ARHGEF10: variants seen among roughly 807,000 people sequenced by gnomAD.
ARHGEF10 encodes the protein Rho guanine nucleotide exchange factor 10, also known as Rho guanine nucleotide exchange factor (GEF) 10.
Under a neutral mutation model 147.4 loss-of-function variants are expected in ARHGEF10, and 140 were observed. The observed-to-expected ratio is 0.95, with a 90% confidence interval of 0.83 to 1.09. The LOEUF (loss-of-function observed/expected upper bound fraction) is 1.09. Ranked by LOEUF, ARHGEF10 falls within the 50% of genes least tolerant of loss-of-function variation. ARHGEF10 has a pLI of 0.00. For missense variants in ARHGEF10, 2,222 were observed against 1,752.7 expected (o/e 1.27, Z -4.78); for synonymous variants, 902 against 695.8 (o/e 1.30, Z -4.67).
chr8:1,889,234 G>GA (rs1809158352), intron 11 of ARHGEF10, among the ~76,000 whole-genome samples: 1 of 116,214 alleles, frequency 8.6e-6, no homozygotes, highest in Admixed American at 8.3e-5. Context: ...AGGGTTGTGA[G>GA]GAGACATTGA....
At chr8:1,950,277 G>T in intron 27 of ARHGEF10, among the ~76,000 whole-genome samples, 1 of 152,290 alleles carries the variant, frequency 6.6e-6, no homozygotes, top group East Asian at 1.9e-4. Context: ...GCTTCCGGAC[G>T]GGCACGGGAC....
chr8:1,950,517 T>G (rs963191192), intron 27 of ARHGEF10, among the ~76,000 whole-genome samples: 10 of 151,762 alleles, frequency 6.6e-5, no homozygotes, highest in Non-Finnish European at 1.3e-4. Context: ...TTTACCCTTT[T>G]TATTATTTAT....
chr8:1,888,154 C>CGAGGGTTGCGAGGAGACAGTGAGTGGGGT (rs1404321827), intron 11 of ARHGEF10, among the ~76,000 whole-genome samples: 2 of 30,414 alleles, frequency 6.6e-5, no homozygotes, highest in Admixed American at 6.0e-4. Context: ...CTTAGTGGGG[C>CGAGGGTTGCGAGGAGACAGTGAGTGGGGT]GAGGGTTGCG....
intron 2 of ARHGEF10, among the ~76,000 whole-genome samples, chr8:1,851,550 ACT>A (rs1320177240): frequency 1.3e-5 from 2 of 151,906 alleles, no homozygotes; most frequent in Non-Finnish European, 2.9e-5. Flanking sequence ...GTATATGAGA[ACT>A]CTCTGTACCT....
intron 27 of ARHGEF10, among the ~76,000 whole-genome samples, chr8:1,951,572 T>C (rs1485652457): frequency 1.3e-5 from 2 of 152,252 alleles, no homozygotes; most frequent in African/African-American, 2.4e-5. Context: ...TGTGAGGTTG[T>C]TTTTCATGCT....
chr8:1,880,209 AGTAAAGAAAAACCGCGCG>A (rs1282629305), intron 9 of ARHGEF10, 45 bp downstream of exon 9: 1 of 1,438,548 alleles, frequency 7.0e-7, no homozygotes, highest in Non-Finnish European at 9.8e-7. Flanking sequence ...CCAGCCGGGC[AGTAAAGAAAAACCGCGCG>A]GCTCGGTCGG....
rs546137039 is a variant in ARHGEF10 at position 1,885,645 on chromosome 8, G to A, written c.1120G>A (p.Val374Ile). 5.6e-6 allele frequency: 9 copies of A among 1,613,944 alleles called. No individual in the cohort carries two copies. The East Asian group carries it at 6.7e-5, about 12-fold the overall frequency. ...GGAAGAACAGAATTTGTTCATTGAT[G>A]TTGACTGCAAGCACCCGGAAGCCAT... ...LEEEQNLFID[V>I]DCKHPEAILT... The change falls in exon 11 of 29, where the codon GTT becomes ATT. Residue 374 changes from valine to isoleucine, a missense_variant. Physicochemically the swap from Val to Ile is conservative, Grantham distance 29 (BLOSUM62 3). Coordinates refer to ENST00000349830, the MANE Select transcript of ARHGEF10 (RefSeq NM_014629.4).
chr8:1,926,156 A>G (rs1370273112), intron 22 of ARHGEF10, among the ~76,000 whole-genome samples: 1 of 152,224 alleles, frequency 6.6e-6, no homozygotes, highest in Non-Finnish European at 1.5e-5. Context: ...AGATTAAGAT[A>G]CCAAAGGTTG....
At position 1,896,365 on chromosome 8, in the gene ARHGEF10, T is replaced by C. The variant is rs770488860; in HGVS notation, c.1473T>C (p.Ser491=). 1 of 1,614,008 alleles carries C rather than the reference T, an allele frequency of 6.2e-7. No individual in the cohort carries two copies. The highest frequency in any genetic ancestry group is 8.5e-7 in the Non-Finnish European group (1 of 1,179,998). ...AGTCCATGGTGCTGGATGCATACAG[T>C]GAATATGTGAACAATTTCAGCACAG... is the stretch of plus-strand genomic sequence containing the variant. ...FSKSMVLDAY[S]EYVNNFSTAV... The change falls in exon 14 of 29, where the codon AGT becomes AGC. Residue 491 remains serine (S), a synonymous_variant. Coordinates refer to ENST00000349830, the MANE Select transcript of ARHGEF10 (RefSeq NM_014629.4).
intron 28 of ARHGEF10, 110 bp from the exon 29 acceptor site, chr8:1,956,639 G>C (rs917097349): frequency 1.0e-5 from 12 of 1,156,900 alleles, no homozygotes; most frequent in Non-Finnish European, 1.4e-5. Flanking sequence ...TACAGGCTTT[G>C]TTATTTGGGC....
intron 6 of ARHGEF10, among the ~76,000 whole-genome samples, chr8:1,867,570 A>C (rs1029906049): frequency 3.3e-5 from 5 of 152,212 alleles, no homozygotes; most frequent in Admixed American, 6.5e-5. Flanking sequence ...CAGCTTCCGT[A>C]CAATTCAGAG....
rs908918964 is a variant in ARHGEF10 at position 1,843,408 on chromosome 8, G to C, written c.9G>C (p.Gln3His). 1 of 1,613,168 alleles carries C rather than the reference G, an allele frequency of 6.2e-7. No individual in the cohort carries two copies. Among genetic ancestry groups the C allele is most frequent in the African/African-American group, 1.3e-5 (1 of 74,938 alleles). Reference sequence around the variant, plus strand: ...GCATCTGGAGCTGCAGCATGGACCAGCGAGAGCCCCTGCCTCCCGCTCCTG... The same window carrying C: ...GCATCTGGAGCTGCAGCATGGACCACCGAGAGCCCCTGCCTCCCGCTCCTG... MD[Q>H]REPLPPAPAE... The change falls in exon 2 of 29, where the codon CAG becomes CAC. Residue 3 changes from glutamine (Q) to histidine (H), a missense_variant. Physicochemically the swap from Gln to His is conservative, Grantham distance 24 (BLOSUM62 0). Transcript: ENST00000349830.
At chr8:1,857,873 TCGA>T (rs1805678307) in intron 2 of ARHGEF10, 84 bp from the exon 3 acceptor site, 19 of 431,666 alleles carry the variant, frequency 4.4e-5, no homozygotes, top group Non-Finnish European at 6.6e-5. Flanking sequence ...CTAACATAGA[TCGA>T]TCGATCTATC....
chr8:1,917,014 T>G (rs908776229), intron 18 of ARHGEF10, among the ~76,000 whole-genome samples: 2 of 152,264 alleles, frequency 1.3e-5, no homozygotes, highest in Admixed American at 6.5e-5. Flanking sequence ...TCGAAGTCAT[T>G]TAAACTGACT....
Position 1,948,683 on chromosome 8 carries a change from G to T in ARHGEF10, c.3397+3028G>T, listed in dbSNP as rs1256783254. On this transcript the variant is annotated intron_variant, in intron 27 of 28. Coordinates refer to ENST00000349830, the MANE Select transcript of ARHGEF10 (RefSeq NM_014629.4). The surrounding 1 kb of genome is among the most constrained non-coding windows in gnomAD (Gnocchi z 4.9). ...TTGCATTTTGTGACTCAGAGGGAATGAGCAGGCCAGAGAGTCCTTTCCTCC... is the reference window on the plus strand; with the variant it reads ...TTGCATTTTGTGACTCAGAGGGAATTAGCAGGCCAGAGAGTCCTTTCCTCC... Among the ~76,000 whole-genome samples, 1 of 152,216 alleles carries T rather than the reference G, an allele frequency of 6.6e-6. No individual in the cohort carries two copies.
chr8:1,849,460 G>A (rs1414565406), intron 2 of ARHGEF10, among the ~76,000 whole-genome samples: 1 of 150,574 alleles, frequency 6.6e-6, no homozygotes, highest in African/African-American at 2.5e-5. Context: ...GCGGCCACAT[G>A]GACACAGACA....
At chr8:1,871,428 G>A (rs1349814769) in intron 7 of ARHGEF10, among the ~76,000 whole-genome samples, 2 of 151,930 alleles carry the variant, frequency 1.3e-5, no homozygotes, top group African/African-American at 4.8e-5. Context: ...AGATAAAATG[G>A]AAATGAAAAT....
intron 18 of ARHGEF10, among the ~76,000 whole-genome samples, chr8:1,910,587 G>C (rs1260152188): frequency 6.6e-6 from 1 of 152,186 alleles, no homozygotes; most frequent in Non-Finnish European, 1.5e-5. Context: ...AGCTGTTCTG[G>C]GGGGTGGTAT....
At chr8:1,849,229 G>A (rs1253576898) in intron 2 of ARHGEF10, among the ~76,000 whole-genome samples, 1 of 152,222 alleles carries the variant, frequency 6.6e-6, no homozygotes, top group Non-Finnish European at 1.5e-5. Context: ...TGAGAAGGGT[G>A]TGGGGCGGCT....
Sources: allele counts gnomAD v4.1 joint callset (sites outside exome capture counted in the v4.1 genomes callset), GRCh38; gene constraint gnomAD v4.1.1; non-coding constraint Gnocchi (gnomAD v3.1); transcripts MANE v1.5; gene names NCBI Gene and HGNC (gene_info 2026-07-23, HGNC 2026-07-21).